Variants in MGST1 observed in about 807,000 individuals in gnomAD.
MGST1 encodes glutathione S-transferase 12.
A neutral mutation model predicts 8.9 loss-of-function variants in MGST1; 5 were observed. The ratio of observed to expected loss-of-function variants is 0.56; its 90% confidence interval spans 0.29 to 1.19. MGST1 has a LOEUF of 1.19. Ranked by LOEUF, MGST1 falls within the 50% of genes most tolerant of loss-of-function variation. MGST1 has a pLI of 0.08. For missense variants in MGST1, 182 were observed against 187.4 expected, an observed-to-expected ratio of 0.97 and a Z score of 0.17; for synonymous variants, 54 against 67.8, an observed-to-expected ratio of 0.80 and a Z score of 1.00.
intron 4 of MGST1, among the ~76,000 whole-genome samples, chr12:16,451,910 C>T (rs1941132388): frequency 6.6e-6 from 1 of 151,820 alleles, no homozygotes; most frequent in Admixed American, 6.6e-5. Context: ...TAGTGTAGGA[C>T]TGCCCTTTTT....
rs139185794 is a variant in MGST1 at position 16,446,322 on chromosome 12, T to C, written n.482+62718T>C. On this transcript the variant is annotated intron_variant and non_coding_transcript_variant, in intron 4 of 4. Transcript: ENST00000538857. ...ATGTGTTTGTCCAGGTGCAGTCTTT[T>C]CTTCTTGGGACATAGTCATCTTTTC... Among the ~76,000 whole-genome samples, 336 of 152,040 alleles carry C rather than the reference T, an allele frequency of 2.2e-3. 1 individual carries two copies. The highest frequency in any genetic ancestry group is 3.4e-3 in the Non-Finnish European group (230 of 67,896).
downstream of MGST1, among the ~76,000 whole-genome samples, chr12:16,442,131 C>A (rs1941044049): frequency 6.6e-6 from 1 of 151,748 alleles, no homozygotes; most frequent in African/African-American, 2.4e-5. The surrounding 1 kb of genome is among the most constrained non-coding windows in gnomAD (Gnocchi z 4.5). Flanking sequence ...GTTGTCTGTT[C>A]CGATCTTTTG....
In MGST1 at chr12:16,401,564, C is replaced by T. The variant is rs1293098473; in HGVS notation, n.778+17960C>T. ...GGAGGATCAGCCATCAAAGTGCGAA[C>T]AGGTTGGAGCAATAAGACTCGAAGC... On this transcript the variant is annotated intron_variant and non_coding_transcript_variant, in intron 1 of 1. Transcript: ENST00000359720. This position sits in a 1 kb window ranked among gnomAD's most constrained non-coding sequence, Gnocchi z 4.3. 8.2e-7 allele frequency: 1 copy of T among 1,219,128 alleles called. No homozygotes were observed. Among genetic ancestry groups the T allele is most frequent in the African/African-American group, 1.5e-5 (1 of 67,020 alleles). 75.5% of individuals were successfully genotyped at this position (1,219,128 alleles called of 1,614,324 possible).
chr12:16,557,301 G>A (rs1212817401), intron 4 of MGST1, among the ~76,000 whole-genome samples: 1 of 150,650 alleles, frequency 6.6e-6, no homozygotes, highest in Non-Finnish European at 1.5e-5. Flanking sequence ...GGACCACCAG[G>A]GATCAAATAA....
At position 16,560,471 on chromosome 12, in the gene MGST1, G is replaced by A; in HGVS notation, n.483-29057G>A. 1 of 1,613,822 alleles carries A rather than the reference G, an allele frequency of 6.2e-7. No homozygotes were observed. Among genetic ancestry groups the A allele is most frequent in the Non-Finnish European group, 8.5e-7 (1 of 1,179,810 alleles). ...AGGTGGTAAACATTGTCCTTGGCAC[G>A]CATCACCATCTCAAAGGCAGGGATG... On this transcript the variant is annotated intron_variant and non_coding_transcript_variant, in intron 4 of 4. Coordinates refer to the MGST1 transcript ENST00000538857. The surrounding 1 kb of genome is among the most constrained non-coding windows in gnomAD (Gnocchi z 5.0).
chr12:16,367,607 T>C (rs1940214969), downstream of MGST1: 1 of 152,190 alleles, frequency 6.6e-6, no homozygotes, highest in South Asian at 2.1e-4. Flanking sequence ...TGTTGGCTTG[T>C]GTGGCCAAAC....
chr12:16,549,925 A>C (rs1941923707), intron 4 of MGST1: 1 of 152,144 alleles, frequency 6.6e-6, no homozygotes, highest in East Asian at 1.9e-4. Flanking sequence ...TTTCAGCCTA[A>C]GAATGATGTA....
intron 4 of MGST1, among the ~76,000 whole-genome samples, chr12:16,484,657 G>C (rs796479584): frequency 3.9e-5 from 6 of 152,186 alleles, no homozygotes; most frequent in African/African-American, 1.2e-4. Context: ...AGAGGTAGTT[G>C]CTACACATTT....
rs1435178619 is a variant in MGST1, at chr12:16,585,316, A to G, written n.483-4212A>G. Among the ~76,000 whole-genome samples the G allele has an allele frequency of 1.3e-5, 2 of 152,198 alleles. No homozygotes were observed. The highest frequency in any genetic ancestry group is 2.9e-5 in the Non-Finnish European group (2 of 68,042). ...GTTATTGATTACTGCTTCAAGAAAA[A>G]GGATTTGCATATTTGTGTATATATT... On this transcript the variant is annotated intron_variant and non_coding_transcript_variant, in intron 4 of 4. Transcript: ENST00000538857. The surrounding 1 kb of genome is among the most constrained non-coding windows in gnomAD (Gnocchi z 4.7).
rs764584553 is a variant in MGST1, at chr12:16,560,552, C to CG, written n.483-28976_483-28975insG. ...ACACCAAAGAGCCTAGAATAAGAAACATTTTTTTTTTTTTACAAACTCTTA... is the reference window on the plus strand; with the variant it reads ...ACACCAAAGAGCCTAGAATAAGAAACGATTTTTTTTTTTTTACAAACTCTTA... On this transcript the variant is annotated intron_variant and non_coding_transcript_variant, in intron 4 of 4. Coordinates refer to the MGST1 transcript ENST00000538857. This position sits in a 1 kb window ranked among gnomAD's most constrained non-coding sequence, Gnocchi z 5.0. 1.3e-6 allele frequency: 2 copies of CG among 1,551,034 alleles called. No individual in the cohort carries two copies. Among genetic ancestry groups the CG allele is most frequent in the East Asian group, 4.6e-5 (2 of 43,568 alleles).
intron 1 of MGST1, among the ~76,000 whole-genome samples, chr12:16,395,380 C>T (rs1282539928): frequency 1.3e-5 from 2 of 152,080 alleles, no homozygotes; most frequent in Non-Finnish European, 2.9e-5. Context: ...CATAGTAATG[C>T]AGTATCTTAA....
At chr12:16,550,600 A>G (rs1340589811) in intron 4 of MGST1, 1 of 152,382 alleles carries the variant, frequency 6.6e-6, no homozygotes, top group East Asian at 1.9e-4. Flanking sequence ...ATAGGGGGTT[A>G]TAACAAGAAC....
At position 16,389,099 on chromosome 12, in the gene MGST1, G is replaced by T. The variant is rs1052329868; in HGVS notation, n.778+5495G>T. Among the ~76,000 whole-genome samples, 2 of 152,232 alleles carry T rather than the reference G, an allele frequency of 1.3e-5. No homozygotes were observed. The highest frequency in any genetic ancestry group is 3.8e-4 in the East Asian group (2 of 5,198). On this transcript the variant is annotated intron_variant and non_coding_transcript_variant, in intron 1 of 1. Transcript: ENST00000359720. The surrounding 1 kb of genome is among the most constrained non-coding windows in gnomAD (Gnocchi z 4.6). ...TGAAGACAAATACAGGTGGCATAGG[G>T]ATGGTAAATACCTTGCACTGGGATT...
At chr12:16,402,330 C>T (rs1043238409) in intron 1 of MGST1, 65 of 1,596,840 alleles carry the variant, frequency 4.1e-5, no homozygotes, top group Middle Eastern at 1.8e-4. Context: ...AATGGCTCAA[C>T]GTTGGCATAC....
intron 4 of MGST1, among the ~76,000 whole-genome samples, chr12:16,529,931 C>T (rs1941711890): frequency 6.6e-6 from 1 of 152,076 alleles, no homozygotes; most frequent in African/African-American, 2.4e-5. Flanking sequence ...ATCTTAGTCA[C>T]CCACACAGAA....
intron 1 of MGST1, among the ~76,000 whole-genome samples, chr12:16,386,794 C>A (rs73064191): frequency 3.3e-5 from 5 of 152,090 alleles, no homozygotes; most frequent in African/African-American, 1.2e-4. Context: ...ATAAGCAACT[C>A]GTAAGTTTTA....
Position 16,587,875 on chromosome 12 carries a change from A to C in MGST1, n.483-1653A>C, listed in dbSNP as rs1252793253. On this transcript the variant is annotated intron_variant and non_coding_transcript_variant, in intron 4 of 4. Transcript: ENST00000538857. The surrounding 1 kb of genome is among the most constrained non-coding windows in gnomAD (Gnocchi z 4.3). ...CTGCCAGTAGCTATGGTATAGTGTT[A>C]GAAAAAGTCCACAAGCATTGCTACA... is the stretch of plus-strand genomic sequence containing the variant. Among the ~76,000 whole-genome samples, 2 of 152,154 alleles carry C rather than the reference A, an allele frequency of 1.3e-5. No individual in the cohort carries two copies. The highest frequency in any genetic ancestry group is 2.9e-5 in the Non-Finnish European group (2 of 68,020).
chr12:16,547,117 A>C lies in MGST1; in HGVS notation n.483-42411A>C, dbSNP rs1565472986. The stretch of plus-strand genomic sequence containing the variant: ...GCTCTAGTAAAAATGAATTTTCTTC[A>C]TTTTTCTGGCCATTCATAAGGTTTT... On this transcript the variant is annotated intron_variant and non_coding_transcript_variant, in intron 4 of 4. Coordinates refer to the MGST1 transcript ENST00000538857. The surrounding 1 kb of genome is among the most constrained non-coding windows in gnomAD (Gnocchi z 4.6). 6.6e-6 allele frequency among the ~76,000 whole-genome samples: 1 copy of C among 152,054 alleles called. No individual in the cohort carries two copies. The highest frequency in any genetic ancestry group is 1.5e-5 in the Non-Finnish European group (1 of 67,984).
In MGST1 at chr12:16,354,368, T is replaced by C. The variant is rs564439859; in HGVS notation, c.116T>C (p.Leu39Ser). ...AGTACTGCAACTGCATTCTATAGAT[T>C]GACAAGAAAGGTAAGAAATTTGGAG... is the stretch of plus-strand genomic sequence containing the variant. ...LMSTATAFYRLTRKVFANPED... is the reference protein window; with the variant it reads ...LMSTATAFYRSTRKVFANPED... The change falls in exon 2 of 4, where the codon TTG becomes TCG. Residue 39 changes from leucine to serine, a missense_variant. Leu to Ser is a moderately radical substitution (Grantham distance 145, BLOSUM62 -2). Coordinates refer to ENST00000396210, the MANE Select transcript of MGST1 (RefSeq NM_020300.5). The C allele has an allele frequency of 9.4e-6, 15 of 1,592,856 alleles. No homozygotes were observed. In the South Asian group the frequency reaches 1.5e-4, roughly 16 times the overall value.
Sources: allele counts gnomAD v4.1 joint callset (sites outside exome capture counted in the v4.1 genomes callset), GRCh38; gene constraint gnomAD v4.1.1; non-coding constraint Gnocchi (gnomAD v3.1); transcripts MANE v1.5; gene names NCBI Gene and HGNC (gene_info 2026-07-23, HGNC 2026-07-21).